Variants in KRT38 observed in about 807,000 individuals in gnomAD.
KRT38 encodes the protein keratin 38.
In KRT38, 45 loss-of-function variants were observed where a neutral mutation model predicts 43.1. The ratio of observed to expected loss-of-function variants is 1.04; its 90% CI spans 0.82 to 1.34. The LOEUF (loss-of-function observed/expected upper bound fraction) is 1.34, where lower values mean the gene tolerates loss of function less well. Among genes scored for constraint, KRT38 ranks in the 40% most tolerant of loss-of-function variants. The probability of loss-of-function intolerance (pLI) is 0.00; values close to 1 mark genes in which losing one functional copy is unlikely to be tolerated. For synonymous variants in KRT38, 258 were observed against 244.0 expected (o/e 1.06, Z -0.53); for missense variants, 627 against 586.2 (o/e 1.07, Z -0.72).
chr17:41,437,980 A>G, intron 6 of KRT38, 113 bp downstream of exon 6: 3 of 1,010,498 alleles, frequency 3.0e-6, no homozygotes, highest in Non-Finnish European at 4.5e-6. Context: ...GACTCACTGA[A>G]AAGGAGTGCA....
chr17:41,440,107 A>G, intron 2 of KRT38, 54 bp downstream of exon 2: 1 of 1,383,520 alleles, frequency 7.2e-7, no homozygotes, highest in Non-Finnish European at 1.0e-6. Context: ...GTATTTGGGC[A>G]TTGGGATGGA....
rs771242795 is a variant in KRT38, at chr17:41,438,089, G to A, written c.1241+4C>T. 9 of 1,613,820 alleles carry A rather than the reference G, an allele frequency of 5.6e-6. No homozygotes were observed. The highest frequency in any genetic ancestry group is 7.6e-6 in the Non-Finnish European group (9 of 1,179,832). ...TGGCCAGGAATTGCCCAGATCACAC[G>A]TACTTGCAGTCCTCGCTTTCCAGAA... On this transcript the variant is annotated splice_donor_region_variant and intron_variant, in intron 6 of 6. Transcript: ENST00000246646.
At position 41,439,340 on chromosome 17, in the gene KRT38, G is replaced by T; in HGVS notation, c.595C>A (p.Leu199Met). The change falls in exon 3 of 7, where the codon CTG becomes ATG. Residue 199 changes from leucine (L) to methionine (M), a missense_variant. Transcript: ENST00000246646. ...TTGTCTGCCTCCACCAGCTGGCGCAGGGAGCGCTCACTCTCCAGCCTTTCA... is the reference window on the plus strand; with the variant it reads ...TTGTCTGCCTCCACCAGCTGGCGCATGGAGCGCTCACTCTCCAGCCTTTCA... ...FRIKLESERS[L>M]RQLVEADKCG... 1.2e-6 allele frequency: 2 copies of T among 1,614,070 alleles called. No individual in the cohort carries two copies. The highest frequency in any genetic ancestry group is 1.1e-5 in the South Asian group (1 of 91,074).
chr17:41,437,306 A>G lies in KRT38; in HGVS notation c.*106T>C. 8.6e-7 allele frequency: 1 copy of G among 1,161,934 alleles called. No individual in the cohort carries two copies. The highest frequency in any genetic ancestry group is 1.1e-6 in the Non-Finnish European group (1 of 879,024). 72.0% of individuals were successfully genotyped at this position (1,161,934 alleles called of 1,614,324 possible). On this transcript the variant is annotated 3_prime_UTR_variant, in exon 7 of 7. Coordinates refer to ENST00000246646, the MANE Select transcript of KRT38 (RefSeq NM_006771.4). ...CCCTGGTATCTCATAGCCTTTGGAC[A>G]GGCCTATACATACAGAAAGTTAGAA...
At position 41,436,222 on chromosome 17, in the gene KRT38, G is replaced by A. The variant is rs1236180238; in HGVS notation, c.*1190C>T. On this transcript the variant is annotated 3_prime_UTR_variant, in exon 7 of 7. Coordinates refer to ENST00000246646, the MANE Select transcript of KRT38 (RefSeq NM_006771.4). ...AAGCAGTGGGCTAGGCTCTGGGGAT[G>A]CAGCAATGAACAATTGTTAATCTTG... Among the ~76,000 whole-genome samples the A allele has an allele frequency of 6.6e-6, 1 of 152,202 alleles. No homozygotes were observed. Among genetic ancestry groups the A allele is most frequent in the African/African-American group, 2.4e-5 (1 of 41,448 alleles).
intron 4 of KRT38, 25 bp from the exon 5 acceptor site, chr17:41,438,641 C>A: frequency 6.2e-7 from 1 of 1,613,370 alleles, no homozygotes; most frequent in African/African-American, 1.3e-5. Flanking sequence ...GACACGGTCA[C>A]CTCCCTGCCC....
rs2018729340 is a variant in KRT38 at position 41,436,681 on chromosome 17, C to T, written c.*731G>A. 2 of 152,146 alleles carry T rather than the reference C, an allele frequency of 1.3e-5. No individual in the cohort carries two copies. The highest frequency in any genetic ancestry group is 2.4e-5 in the African/African-American group (1 of 41,434). 9.4% of individuals were successfully genotyped at this position (152,146 alleles called of 1,614,324 possible). On this transcript the variant is annotated 3_prime_UTR_variant, in exon 7 of 7. Coordinates refer to ENST00000246646, the MANE Select transcript of KRT38 (RefSeq NM_006771.4). The stretch of plus-strand genomic sequence containing the variant: ...GGACAGGGGTTATAGCCAGACAAGT[C>T]TGGAGAGTCAGAATTTATAGAGAAA...
chr17:41,438,808 C>T lies in KRT38; in HGVS notation c.783G>A (p.Leu261=). Residue 261 remains leucine, a synonymous_variant, in exon 4 of 7, where the codon CTG becomes CTA. Coordinates refer to ENST00000246646, the MANE Select transcript of KRT38 (RefSeq NM_006771.4). ...TCAGGTCAATGGTGGGCTCAATGTCCAGCTCAATCCGGAGCTTCTCCCCCA... is the reference window on the plus strand; with the variant it reads ...TCAGGTCAATGGTGGGCTCAATGTCTAGCTCAATCCGGAGCTTCTCCCCCA... ...SQLGEKLRIE[L]DIEPTIDLNR... The T allele has an allele frequency of 1.2e-6, 2 of 1,614,162 alleles. No homozygotes were observed. The highest frequency in any genetic ancestry group is 4.5e-5 in the East Asian group (2 of 44,864).
intron 6 of KRT38, 73 bp from the exon 7 acceptor site, chr17:41,437,614 G>A: frequency 2.0e-6 from 3 of 1,476,698 alleles, no homozygotes; most frequent in East Asian, 5.2e-5. Flanking sequence ...GGGGGCATGA[G>A]GAAGGAGTCC....
chr17:41,436,778 C>T lies in KRT38; in HGVS notation c.*634G>A, dbSNP rs1302895028. The T allele has an allele frequency of 1.3e-5, 2 of 152,192 alleles. No individual in the cohort carries two copies. The highest frequency in any genetic ancestry group is 2.9e-5 in the Non-Finnish European group (2 of 68,042). 9.4% of individuals were successfully genotyped at this position (152,192 alleles called of 1,614,324 possible). ...AGCTATGGAAGCCATATGTAAGAGGCTGTGTTGCCACAGAAAAGGCAAGCC... is the reference window on the plus strand; with the variant it reads ...AGCTATGGAAGCCATATGTAAGAGGTTGTGTTGCCACAGAAAAGGCAAGCC... On this transcript the variant is annotated 3_prime_UTR_variant, in exon 7 of 7. Transcript: ENST00000246646.
chr17:41,437,789 C>G (rs1567695583), intron 6 of KRT38, among the ~76,000 whole-genome samples: 2 of 152,112 alleles, frequency 1.3e-5, no homozygotes, highest in Admixed American at 6.5e-5. Context: ...AAAAGAAAAC[C>G]AAGTCCAAAA....
At chr17:41,438,352 C>T in intron 5 of KRT38, 39 bp from the exon 6 acceptor site, 2 of 1,605,504 alleles carry the variant, frequency 1.2e-6, no homozygotes, top group East Asian at 4.5e-5. Flanking sequence ...TACAAGGCCC[C>T]AAGGGAAACT....
In KRT38 at chr17:41,438,115, G is replaced by C. The variant is rs1405515945; in HGVS notation, c.1219C>G (p.Leu407Val). 6.2e-7 allele frequency: 1 copy of C among 1,614,068 alleles called. No homozygotes were observed. Among genetic ancestry groups the C allele is most frequent in the African/African-American group, 1.3e-5 (1 of 74,924 alleles). The change falls in exon 6 of 7, where the codon CTT becomes GTT. Residue 407 changes from leucine to valine, a missense_variant. Coordinates refer to ENST00000246646, the MANE Select transcript of KRT38 (RefSeq NM_006771.4). ...LENEIATYRN[L>V]LESEDCKLPC... ...TACTTGCAGTCCTCGCTTTCCAGAA[G>C]GTTCCGGTACGTGGCAATCTCATTC...
rs2018780464 is a variant in KRT38 at position 41,440,313 on chromosome 17, C to A, written c.493-70G>T. Reference sequence around the variant, plus strand: ...TAGGCTCCTTCTCCACGTGTGGTGTCTATGATCATGTCCAAGAGAAACCAA... The same window carrying A: ...TAGGCTCCTTCTCCACGTGTGGTGTATATGATCATGTCCAAGAGAAACCAA... On this transcript the variant is annotated intron_variant, in intron 1 of 6. Transcript: ENST00000246646. 2.1e-5 allele frequency: 33 copies of A among 1,604,556 alleles called. No individual in the cohort carries two copies. In the South Asian group the frequency reaches 3.1e-4, roughly 15 times the overall value.
rs764649843 is a variant in KRT38, at chr17:41,437,283, C to T, written c.*129G>A. ...GATTTCCATCAAGATTCCACTGTCC[C>T]TGGTATCTCATAGCCTTTGGACAGG... On this transcript the variant is annotated 3_prime_UTR_variant, in exon 7 of 7. Transcript: ENST00000246646. 216 of 935,090 alleles carry T rather than the reference C, an allele frequency of 2.3e-4. No homozygotes were observed. The highest frequency in any genetic ancestry group is 3.0e-4 in the Non-Finnish European group (206 of 689,928). The allele number at this position is 935,090 out of a possible 1,614,324, so 57.9% of individuals were successfully genotyped here.
Position 41,438,269 on chromosome 17 carries a change from G to T in KRT38, c.1065C>A (p.Phe355Leu), listed in dbSNP as rs146972741. Reference protein sequence around the residue: ...QNSLCEAEDRFGTELAQMQSL... With the variant: ...QNSLCEAEDRLGTELAQMQSL... ...TCTGCATCTGGGCCAGCTCCGTGCC[G>T]AAGCGGTCCTCGGCTTCACACAGGG... Residue 355 changes from phenylalanine (F) to leucine (L), a missense_variant, in exon 6 of 7, where the codon TTC (phenylalanine) becomes TTA (leucine). Phe to Leu is a conservative substitution (Grantham distance 22). Transcript: ENST00000246646. The T allele has an allele frequency of 2.3e-5, 37 of 1,614,054 alleles. No individual in the cohort carries two copies. The highest frequency in any genetic ancestry group is 3.1e-5 in the Non-Finnish European group (37 of 1,180,028).
rs201965375 is a variant in KRT38, at chr17:41,440,175, A to T, written c.561T>A (p.Asp187Glu). 6.2e-7 allele frequency: 1 copy of T among 1,614,178 alleles called. No homozygotes were observed. The highest frequency in any genetic ancestry group is 8.5e-7 in the Non-Finnish European group (1 of 1,180,014). Residue 187 changes from aspartate to glutamate, a missense_variant, in exon 2 of 7, where the codon GAT becomes GAA. Transcript: ENST00000246646. ...VQIDNAKLAA[D>E]DFRIKLESER... The stretch of plus-strand genomic sequence containing the variant: ...GCCTGACTTACTTGATCCTAAAGTC[A>T]TCGGCAGCCAGCTTGGCATTGTCAA...
In KRT38 at chr17:41,440,464, G is replaced by A; in HGVS notation, c.458C>T (p.Ser153Phe). The A allele has an allele frequency of 6.2e-7, 1 of 1,614,232 alleles. No homozygotes were observed. The highest frequency in any genetic ancestry group is 1.1e-5 in the South Asian group (1 of 91,078). Residue 153 changes from serine to phenylalanine, a missense_variant, in exon 1 of 7, where the codon TCT becomes TTT. Ser to Phe is a radical substitution (Grantham distance 155, BLOSUM62 -2). Coordinates refer to ENST00000246646, the MANE Select transcript of KRT38 (RefSeq NM_006771.4). ...HESTVCPDYQ[S>F]YFHTIEELQQ... ...GAGCTCCTCGATGGTGTGGAAGTAA[G>A]ACTGGTAGTCGGGGCACACGGTGGA...
chr17:41,439,390 G>T, intron 2 of KRT38, 31 bp from the exon 3 acceptor site: 1 of 1,608,078 alleles, frequency 6.2e-7, no homozygotes, highest in Non-Finnish European at 8.5e-7. Context: ...GGGTCAAAAA[G>T]AATGCCCCCA....
Sources: allele counts gnomAD v4.1 joint callset (sites outside exome capture counted in the v4.1 genomes callset), GRCh38; gene constraint gnomAD v4.1.1; transcripts MANE v1.5; gene names NCBI Gene and HGNC (gene_info 2026-07-23, HGNC 2026-07-21).